PCDH17: variants seen among roughly 807,000 people sequenced by gnomAD.
The protein encoded by PCDH17 is protocadherin 17.
In PCDH17, 21 loss-of-function variants were observed where a neutral mutation model predicts 67.7. The observed-to-expected ratio is 0.31, with a 90% CI of 0.22 to 0.45. PCDH17 has a LOEUF of 0.45. PCDH17 is among the 20% of genes least tolerant of loss of function. The pLI is 1.00. For missense variants in PCDH17, 1,471 were observed against 1,564.8 expected (o/e 0.94, Z 1.01); for synonymous variants, 701 against 656.7 (o/e 1.07, Z -1.03).
intron 3 of PCDH17, among the ~76,000 whole-genome samples, chr13:57,670,352 G>T (rs1955305201): frequency 6.6e-6 from 1 of 151,444 alleles, no homozygotes; most frequent in Non-Finnish European, 1.5e-5. Context: ...ATTTCATGTA[G>T]ATTTCAAATA....
chr13:57,664,481 C>A (rs1955225146), intron 1 of PCDH17, among the ~76,000 whole-genome samples: 1 of 152,062 alleles, frequency 6.6e-6, no homozygotes, highest in African/African-American at 2.4e-5. Flanking sequence ...CTGTTCCTAT[C>A]AGGACAAGAG....
At chr13:57,723,910 G>C (rs1471505381) in intron 3 of PCDH17, among the ~76,000 whole-genome samples, 1 of 152,130 alleles carries the variant, frequency 6.6e-6, no homozygotes, top group Non-Finnish European at 1.5e-5. Flanking sequence ...ATTCTGACCT[G>C]TATCTGTTGA....
intron 1 of PCDH17, among the ~76,000 whole-genome samples, chr13:57,642,273 G>T (rs1342302952): frequency 6.6e-6 from 1 of 151,532 alleles, no homozygotes; most frequent in East Asian, 1.9e-4. Flanking sequence ...TCTTGTTTAC[G>T]CTCTCAGCTA....
Position 57,632,427 on chromosome 13 carries a change from G to A in PCDH17, c.-120G>A, listed in dbSNP as rs1313502039. 1.0e-6 allele frequency: 1 copy of A among 986,284 alleles called. No individual in the cohort carries two copies. The highest frequency in any genetic ancestry group is 2.7e-5 in the Admixed American group (1 of 36,456). 61.1% of individuals were successfully genotyped at this position (986,284 alleles called of 1,614,324 possible). The stretch of plus-strand genomic sequence containing the variant: ...CAGCTCGGGTGCAGAGGGAAAAAAG[G>A]ACCCATAGACTTGTGGCTCGCGTCG... On this transcript the variant is annotated 5_prime_UTR_variant, in exon 1 of 4. Coordinates refer to ENST00000377918, the MANE Select transcript of PCDH17 (RefSeq NM_001040429.3).
At chr13:57,682,290 T>A (rs1425226146) in intron 3 of PCDH17, among the ~76,000 whole-genome samples, 3 of 151,710 alleles carry the variant, frequency 2.0e-5, no homozygotes, top group African/African-American at 7.3e-5. Flanking sequence ...TACTTGAAAT[T>A]TCTTCAGTTC....
rs1247086036 is a variant in PCDH17, at chr13:57,710,531, C to T, written c.2798-14081C>T. Among the ~76,000 whole-genome samples, 22 of 151,734 alleles carry T rather than the reference C, an allele frequency of 1.4e-4. No homozygotes were observed. The Admixed American group carries it at 1.5e-3, about 10-fold the overall frequency. On this transcript the variant is annotated intron_variant, in intron 3 of 3. Coordinates refer to ENST00000377918, the MANE Select transcript of PCDH17 (RefSeq NM_001040429.3). ...GAAAACACATTAACATTTGAAACAACTGGAAAAATTAAGTAAAAAAACAGG... is the reference window on the plus strand; with the variant it reads ...GAAAACACATTAACATTTGAAACAATTGGAAAAATTAAGTAAAAAAACAGG...
intron 3 of PCDH17, among the ~76,000 whole-genome samples, chr13:57,716,914 G>A (rs1192556950): frequency 1.5e-4 from 23 of 151,904 alleles, no homozygotes; most frequent in Admixed American, 1.5e-3. Flanking sequence ...AAATTATTGT[G>A]TGTAACTTCT....
chr13:57,660,999 T>C (rs1196860305), intron 1 of PCDH17, among the ~76,000 whole-genome samples: 2 of 152,134 alleles, frequency 1.3e-5, no homozygotes, highest in African/African-American at 4.8e-5. Context: ...GAACATACTT[T>C]TCATTTTTTT....
In PCDH17 at chr13:57,634,793, C is replaced by T; in HGVS notation, c.2247C>T (p.His749=). ...TYNCRIAEYS[H]PQLGGGKGKK... ...ACTGCCGCATCGCCGAGTACAGCCA[C>T]CCGCAGCTGGGTGGGGGCAAGGGCA... The change falls in exon 1 of 4, where the codon CAC becomes CAT. Residue 749 remains histidine, a synonymous_variant. Coordinates refer to ENST00000377918, the MANE Select transcript of PCDH17 (RefSeq NM_001040429.3). This position sits in a 1 kb window ranked among gnomAD's most constrained non-coding sequence, Gnocchi z 7.8. 2 of 1,614,032 alleles carry T rather than the reference C, an allele frequency of 1.2e-6. No homozygotes were observed. The highest frequency in any genetic ancestry group is 1.7e-6 in the Non-Finnish European group (2 of 1,180,022).
At chr13:57,704,405 C>T (rs1955697506) in intron 3 of PCDH17, among the ~76,000 whole-genome samples, 1 of 151,932 alleles carries the variant, frequency 6.6e-6, no homozygotes, top group African/African-American at 2.4e-5. Flanking sequence ...GCGTTTTTCC[C>T]TTTGATTATA....
rs1267001820 is a variant in PCDH17, at chr13:57,693,341, T to TATATATATATGA, written c.2797+26512_2797+26513insATATATGAATAT. 2.1e-5 allele frequency among the ~76,000 whole-genome samples: 3 copies of TATATATATATGA among 143,086 alleles called. No individual in the cohort carries two copies. In the Admixed American group the frequency reaches 2.1e-4, roughly 10 times the overall value. The allele number at this position is 143,086 out of a possible 152,430, so 93.9% of individuals were successfully genotyped here. A position where few individuals can be genotyped will look rare whatever the true frequency, so the allele number is the denominator to read the frequency against. On this transcript the variant is annotated intron_variant, in intron 3 of 3. Transcript: ENST00000377918. ...ATATATATATATATATATATATATA[T>TATATATATATGA]ATATCAAGGAGTTAGGATACAAAAT...
chr13:57,716,316 C>T (rs768444770), intron 3 of PCDH17, among the ~76,000 whole-genome samples: 5 of 152,032 alleles, frequency 3.3e-5, no homozygotes, highest in South Asian at 2.1e-4. Context: ...TGGTCTTTTA[C>T]TTAGAACTTT....
chr13:57,650,161 A>C (rs1955017015), intron 1 of PCDH17, among the ~76,000 whole-genome samples: 1 of 151,872 alleles, frequency 6.6e-6, no homozygotes, highest in Admixed American at 6.6e-5. Context: ...ACTTGTAAAA[A>C]AAAGAGTTTT....
intron 1 of PCDH17, among the ~76,000 whole-genome samples, chr13:57,648,328 G>T (rs1481847698): frequency 1.3e-5 from 2 of 151,898 alleles, no homozygotes; most frequent in East Asian, 3.9e-4. Context: ...CAGATAAAAG[G>T]TGCATGAAAG....
chr13:57,725,227 T>C lies in PCDH17; in HGVS notation c.3413T>C (p.Val1138Ala). ...AGAGAGTCTGTGGATGCAGAGGAAG[T>C]TGTGAGAGAAATTGATAAGCTTTTG... The part of the protein sequence containing the change: ...LGRESVDAEE[V>A]VREIDKLLQD... Residue 1138 changes from valine (V) to alanine (A), a missense_variant, in exon 4 of 4, where the codon GTT becomes GCT. Around this residue, in one of 3 missense-constraint regions of PCDH17, gnomAD observed 297 missense variants for 298.6 expected, o/e 0.99. Coordinates refer to ENST00000377918, the MANE Select transcript of PCDH17 (RefSeq NM_001040429.3). 6.2e-7 allele frequency: 1 copy of C among 1,613,794 alleles called. No individual in the cohort carries two copies. The highest frequency in any genetic ancestry group is 8.5e-7 in the Non-Finnish European group (1 of 1,179,894).
intron 3 of PCDH17, among the ~76,000 whole-genome samples, chr13:57,692,480 C>G (rs11148415): frequency 0.21 from 32,090 of 150,990 alleles, 4,363 homozygotes; most frequent in Middle Eastern, 0.36. Flanking sequence ...TGAATTAAGA[C>G]GTGCCATAAA....
intron 1 of PCDH17, among the ~76,000 whole-genome samples, chr13:57,641,581 AAAAAAAATATATATAT>A (rs1474400113): frequency 4.2e-5 from 3 of 71,574 alleles, no homozygotes; most frequent in African/African-American, 1.7e-4. Context: ...AAAAAAAAAA[AAAAAAAATATATATAT>A]ATATATATAT....
chr13:57,674,853 A>C (rs1363222135), intron 3 of PCDH17, among the ~76,000 whole-genome samples: 3 of 151,964 alleles, frequency 2.0e-5, no homozygotes, highest in Non-Finnish European at 4.4e-5. Flanking sequence ...CTGTTCTTTT[A>C]AAAGCCATAT....
chr13:57,711,298 G>A (rs1313111585), intron 3 of PCDH17, among the ~76,000 whole-genome samples: 2 of 151,848 alleles, frequency 1.3e-5, no homozygotes. Flanking sequence ...CAGAACCATG[G>A]CCATTTACCA....
Sources: gnomAD v4.1 joint callset for allele counts (sites outside exome capture counted in the v4.1 genomes callset) on GRCh38, gnomAD v4.1.1 for gene constraint, gnomAD v4.1.1 regional missense constraint, Gnocchi (gnomAD v3.1) non-coding constraint, MANE v1.5 for transcripts, NCBI Gene and HGNC (gene_info 2026-07-23, HGNC 2026-07-21) for gene names.